Variants in GPR35 observed in about 807,000 individuals in gnomAD.
GPR35 encodes the protein G protein-coupled receptor 35, also known as KYNA receptor.
For missense variants in GPR35, 372 were observed against 422.5 expected (o/e 0.88, Z 1.05); for synonymous variants, 207 against 198.4 (o/e 1.04, Z -0.36).
At chr2:240,618,638 A>G (rs1210251712) in intron 4 of GPR35, among the ~76,000 whole-genome samples, 1 of 152,222 alleles carries the variant, frequency 6.6e-6, no homozygotes, top group Non-Finnish European at 1.5e-5. Context: ...AAATCTAGAA[A>G]CCAAGATATG....
In GPR35 at chr2:240,630,534, G is replaced by A. The variant is rs369527208; in HGVS notation, c.582G>A (p.Val194=). ...LAVVVFCSLK[V]VTALAQRPPT... ...TGGTGGTCTTCTGCTCCCTGAAGGT[G>A]GTGACTGCCCTGGCCCAGAGGCCAC... is the stretch of plus-strand genomic sequence containing the variant. The change falls in exon 2 of 2, where the codon GTG becomes GTA. Residue 194 remains valine, a synonymous_variant. Coordinates refer to ENST00000407714, the MANE Select transcript of GPR35 (RefSeq NM_005301.5). The A allele has an allele frequency of 3.7e-6, 6 of 1,612,834 alleles. No homozygotes were observed. The highest frequency in any genetic ancestry group is 5.1e-6 in the Non-Finnish European group (6 of 1,179,974).
intron 4 of GPR35, chr2:240,617,549 TA>T: frequency 3.1e-6 from 1 of 321,062 alleles, no homozygotes. Context: ...AATGTATCTA[TA>T]AAAAGAAGTG....
intron 4 of GPR35, chr2:240,618,816 T>C (rs1351595903): frequency 1.9e-6 from 1 of 532,356 alleles, no homozygotes; most frequent in Non-Finnish European, 3.3e-6. Context: ...CATGCTTTTT[T>C]TCATTTACAA....
At chr2:240,607,266 TCAA>T (rs1262959042) in intron 2 of GPR35, 1 of 151,994 alleles carries the variant, frequency 6.6e-6, no homozygotes, top group Non-Finnish European at 1.5e-5. Context: ...CACTGCAGCC[TCAA>T]CCTCCTGGGC....
upstream of GPR35, among the ~76,000 whole-genome samples, chr2:240,624,454 C>T (rs1357713568): frequency 6.6e-6 from 1 of 152,186 alleles, no homozygotes; most frequent in African/African-American, 2.4e-5. Context: ...CAATGCCCAG[C>T]CAGGGCTTCC....
chr2:240,615,192 C>T (rs2975775), intron 2 of GPR35, among the ~76,000 whole-genome samples: 3 of 152,144 alleles, frequency 2.0e-5, no homozygotes, highest in Admixed American at 6.5e-5. Flanking sequence ...CCAGGCCCTT[C>T]GAGCCCAAGT....
chr2:240,617,161 C>T, exon 4 of GPR35: 1 of 714,582 alleles, frequency 1.4e-6, no homozygotes, highest in South Asian at 1.5e-5. Context: ...CCGGCTGACA[C>T]CTGGATTGCA....
chr2:240,620,416 G>A (rs1046421446), intron 5 of GPR35, among the ~76,000 whole-genome samples: 1 of 152,284 alleles, frequency 6.6e-6, no homozygotes, highest in Admixed American at 6.5e-5. Flanking sequence ...TCCTGCTGCA[G>A]GTGGGCAGAG....
At chr2:240,629,409 C>G (rs887707119) in intron 1 of GPR35, 1 of 154,154 alleles carries the variant, frequency 6.5e-6, no homozygotes, top group Non-Finnish European at 1.4e-5. Flanking sequence ...CTGGACTCTG[C>G]TGTGGGGAAG....
chr2:240,621,402 GC>G (rs1276103529), upstream of GPR35, among the ~76,000 whole-genome samples: 2 of 152,016 alleles, frequency 1.3e-5, no homozygotes, highest in African/African-American at 4.8e-5. Flanking sequence ...CTACAGGCAC[GC>G]GCCACCACGC....
intron 2 of GPR35, among the ~76,000 whole-genome samples, chr2:240,614,088 C>T: frequency 6.6e-6 from 1 of 152,250 alleles, no homozygotes; most frequent in Admixed American, 6.5e-5. Flanking sequence ...GACCCGAACC[C>T]TAACCCCTAA....
In GPR35 at chr2:240,625,546, C is replaced by T. The variant is rs1394360350; in HGVS notation, c.-27C>T. The stretch of plus-strand genomic sequence containing the variant: ...GGCAGCGGGGGTCACACACTCCACC[C>T]GGGAGGCCAAAGCTGCCTGCAGGTC... On this transcript the variant is annotated 5_prime_UTR_variant, in exon 1 of 2. Coordinates refer to ENST00000407714, the MANE Select transcript of GPR35 (RefSeq NM_005301.5). 9.1e-6 allele frequency: 9 copies of T among 985,732 alleles called. No individual in the cohort carries two copies. The highest frequency in any genetic ancestry group is 9.4e-5 in the South Asian group (2 of 21,384). The allele number at this position is 985,732 out of a possible 1,614,324, so 61.1% of individuals were successfully genotyped here. A position where few individuals can be genotyped will look rare whatever the true frequency, so the allele number is the denominator to read the frequency against.
chr2:240,625,227 GTC>G (rs1303743923), upstream of GPR35: 1 of 980,976 alleles, frequency 1.0e-6, no homozygotes, highest in African/African-American at 1.8e-5. Context: ...TTTGCTGTCT[GTC>G]TCTCACGCTG....
rs2043452704 is a variant in GPR35 at position 240,631,869 on chromosome 2, C to A, written c.*987C>A. Among the ~76,000 whole-genome samples, 2 of 152,258 alleles carry A rather than the reference C, an allele frequency of 1.3e-5. No individual in the cohort carries two copies. Among genetic ancestry groups the A allele is most frequent in the Non-Finnish European group, 2.9e-5 (2 of 68,044 alleles). On this transcript the variant is annotated 3_prime_UTR_variant, in exon 2 of 2. Coordinates refer to ENST00000407714, the MANE Select transcript of GPR35 (RefSeq NM_005301.5). ...ATCCCATATTGCATGTCCACAGGCA[C>A]CGCCCCACCCTGTTCCATGTTCCAC...
At chr2:240,610,687 T>C (rs952149138) in intron 2 of GPR35, among the ~76,000 whole-genome samples, 3 of 152,024 alleles carry the variant, frequency 2.0e-5, no homozygotes, top group African/African-American at 7.3e-5. Context: ...CAGGCTGGAG[T>C]GCAGTGGCAT....
At chr2:240,613,653 A>G (rs1418908858) in intron 2 of GPR35, among the ~76,000 whole-genome samples, 1 of 151,868 alleles carries the variant, frequency 6.6e-6, no homozygotes, top group African/African-American at 2.4e-5. Context: ...CCTAACCCTA[A>G]CTCAATTCAA....
At position 240,631,309 on chromosome 2, in the gene GPR35, C is replaced by T. The variant is rs762910399; in HGVS notation, c.*427C>T. The T allele has an allele frequency of 3.7e-5, 8 of 215,550 alleles. No homozygotes were observed. Among genetic ancestry groups the T allele is most frequent in the African/African-American group, 4.6e-5 (2 of 43,072 alleles). The allele number at this position is 215,550 out of a possible 1,614,324, so 13.4% of individuals were successfully genotyped here. ...CGTGTGGTGGGAGGCAGGGAGGGAG[C>T]GCGTGGCTCAGAGGGCTGGCGGACA... is the stretch of plus-strand genomic sequence containing the variant. On this transcript the variant is annotated 3_prime_UTR_variant, in exon 2 of 2. Transcript: ENST00000407714.
At chr2:240,616,927 T>C (rs763440769) in intron 3 of GPR35, 11 of 769,806 alleles carry the variant, frequency 1.4e-5, no homozygotes, top group Non-Finnish European at 2.7e-5. Flanking sequence ...CAGGGAAGAT[T>C]TGGGGTCCTC....
intron 2 of GPR35, among the ~76,000 whole-genome samples, chr2:240,615,119 G>A (rs2043226527): frequency 7.6e-6 from 1 of 130,774 alleles, no homozygotes; most frequent in African/African-American, 3.6e-5. Context: ...GCCTGTGCTT[G>A]TGTGTGTGTG....
Sources: allele counts gnomAD v4.1 joint callset (sites outside exome capture counted in the v4.1 genomes callset), GRCh38; gene constraint gnomAD v4.1.1; transcripts MANE v1.5; gene names NCBI Gene and HGNC (gene_info 2026-07-23, HGNC 2026-07-21).